The following CTNNA2 variants were observed in gnomAD, a reference collection of about 807,000 sequenced individuals.
CTNNA2 encodes the protein catenin alpha 2, also known as catenin alpha-2.
Under a neutral mutation model 101.0 loss-of-function variants are expected in CTNNA2, and 42 were observed. That is an observed-to-expected ratio of 0.42 (90% CI 0.32 to 0.54). The LOEUF (loss-of-function observed/expected upper bound fraction) is 0.54. Ranked by LOEUF, CTNNA2 falls within the 20% of genes least tolerant of loss-of-function variation. The pLI, the probability that CTNNA2 is intolerant of heterozygous loss-of-function variation, is 0.14. For synonymous variants in CTNNA2, 450 were observed against 456.4 expected (o/e 0.99, Z 0.18); for missense variants, 871 against 1,223.1 (o/e 0.71, Z 4.29).
chr2:79,195,810 C>A, intron 1 of CTNNA2: 1 of 514,390 alleles, frequency 1.9e-6, no homozygotes, highest in Middle Eastern at 3.2e-4. Flanking sequence ...CAAGGCCCGG[C>A]ATAGGGAGCT....
chr2:79,196,559 A>C (rs893197067), intron 1 of CTNNA2, among the ~76,000 whole-genome samples: 1 of 152,138 alleles, frequency 6.6e-6, no homozygotes, highest in Non-Finnish European at 1.5e-5. Flanking sequence ...CCTTTTTCTT[A>C]AAATTATCTT....
chr2:79,957,638 T>TCTCTTTGC (rs1425895625), intron 7 of CTNNA2, among the ~76,000 whole-genome samples: 1 of 152,216 alleles, frequency 6.6e-6, no homozygotes, highest in Non-Finnish European at 1.5e-5. Flanking sequence ...TGTCTCTTGT[T>TCTCTTTGC]CTCTTTGCTC....
chr2:79,265,234 A>C (rs560624973), intron 2 of CTNNA2, among the ~76,000 whole-genome samples: 156 of 152,330 alleles, frequency 1.0e-3, no homozygotes, highest in African/African-American at 3.6e-3. Flanking sequence ...ACATATGGCA[A>C]AAAGCCAGAA....
intron 9 of CTNNA2, among the ~76,000 whole-genome samples, chr2:80,533,771 G>A (rs1690746671): frequency 6.6e-6 from 1 of 152,092 alleles, no homozygotes; most frequent in East Asian, 1.9e-4. Flanking sequence ...GAGTTGCAAG[G>A]TTTTAGTTCC....
intron 7 of CTNNA2, among the ~76,000 whole-genome samples, chr2:79,954,933 C>G (rs1166786358): frequency 6.6e-6 from 1 of 152,014 alleles, no homozygotes; most frequent in Non-Finnish European, 1.5e-5. Flanking sequence ...CAGTACATAC[C>G]AACTTCAGAA....
intron 7 of CTNNA2, among the ~76,000 whole-genome samples, chr2:80,269,907 A>G (rs889161305): frequency 7.2e-5 from 11 of 152,148 alleles, no homozygotes; most frequent in East Asian, 1.9e-4. Context: ...TTAAAGTGTT[A>G]TGAGCGCCAT....
intron 6 of CTNNA2, among the ~76,000 whole-genome samples, chr2:79,896,071 C>A (rs1029272476): frequency 4.6e-5 from 7 of 152,046 alleles, no homozygotes; most frequent in Non-Finnish European, 8.8e-5. Flanking sequence ...TCGCCTGAGT[C>A]TGGGAGGTCG....
chr2:79,886,252 G>A (rs1296429559), intron 6 of CTNNA2, among the ~76,000 whole-genome samples: 1 of 152,176 alleles, frequency 6.6e-6, no homozygotes, highest in Non-Finnish European at 1.5e-5. Flanking sequence ...AAATGTGAAT[G>A]AGAGTATTTC....
intron 1 of CTNNA2, among the ~76,000 whole-genome samples, chr2:79,571,613 A>C (rs1273607812): frequency 1.3e-5 from 2 of 152,072 alleles, no homozygotes; most frequent in African/African-American, 4.8e-5. Context: ...ACCACACTTT[A>C]ACTAAAATTC....
At chr2:80,340,883 A>G (rs1441925947) in intron 7 of CTNNA2, among the ~76,000 whole-genome samples, 1 of 152,136 alleles carries the variant, frequency 6.6e-6, no homozygotes, top group Non-Finnish European at 1.5e-5. Flanking sequence ...CTTCTGACCG[A>G]CTGTCTATAA....
chr2:79,367,526 A>G (rs1032397060), intron 3 of CTNNA2, among the ~76,000 whole-genome samples: 35 of 152,134 alleles, frequency 2.3e-4, no homozygotes, highest in Admixed American at 2.1e-3. Flanking sequence ...GAGATGATTT[A>G]GAAAGCTAAT....
rs558351889 is a variant in CTNNA2 at position 80,219,314 on chromosome 2, T to C, written c.1057-173897T>C. Among the ~76,000 whole-genome samples, 6 of 152,336 alleles carry C rather than the reference T, an allele frequency of 3.9e-5. No individual in the cohort carries two copies. In the South Asian group the frequency reaches 1.2e-3, roughly 32 times the overall value. On this transcript the variant is annotated intron_variant, in intron 7 of 18. Coordinates refer to ENST00000402739, the MANE Select transcript of CTNNA2 (RefSeq NM_001282597.3). ...CACAGTGAGAGGGGACTTAGCAATA[T>C]CTATAATTCAACCAAATTATTGAGA... is the stretch of plus-strand genomic sequence containing the variant.
intron 9 of CTNNA2, among the ~76,000 whole-genome samples, chr2:80,456,899 G>C (rs137920319): frequency 4.6e-5 from 7 of 152,248 alleles, no homozygotes; most frequent in Non-Finnish European, 8.8e-5. Flanking sequence ...TAGGTAGAAG[G>C]AATAAGTTCT....
At chr2:79,988,912 G>A (rs1276926216) in intron 7 of CTNNA2, among the ~76,000 whole-genome samples, 2 of 152,206 alleles carry the variant, frequency 1.3e-5, no homozygotes, top group African/African-American at 2.4e-5. Context: ...AATTTGTATT[G>A]TGTTGAATGA....
intron 3 of CTNNA2, among the ~76,000 whole-genome samples, chr2:79,827,213 AT>A (rs1678517163): frequency 6.6e-6 from 1 of 151,784 alleles, no homozygotes; most frequent in African/African-American, 2.4e-5. Context: ...TAATTTTTTT[AT>A]TTTTAGTAGA....
chr2:80,559,878 T>TATCTATCTATCTA (rs1693393440), intron 12 of CTNNA2, among the ~76,000 whole-genome samples: 1 of 113,932 alleles, frequency 8.8e-6, no homozygotes, highest in African/African-American at 3.0e-5. Context: ...GATATCATAT[T>TATCTATCTATCTA]TATATATATA....
chr2:79,986,469 C>T (rs1013541427), intron 7 of CTNNA2, among the ~76,000 whole-genome samples: 3 of 152,108 alleles, frequency 2.0e-5, no homozygotes, highest in African/African-American at 7.2e-5. Context: ...AGTGAATTCC[C>T]TAAGCTGTAA....
chr2:80,266,449 C>G (rs1328948511), intron 7 of CTNNA2, among the ~76,000 whole-genome samples: 3 of 152,210 alleles, frequency 2.0e-5, no homozygotes, highest in Non-Finnish European at 2.9e-5. Context: ...ATCAGCTGTG[C>G]CCCTGCCTCT....
chr2:80,510,158 T>G (rs1688598460), intron 9 of CTNNA2, among the ~76,000 whole-genome samples: 2 of 152,344 alleles, frequency 1.3e-5, no homozygotes, highest in South Asian at 4.1e-4. Context: ...CTTTCAAAAA[T>G]GAGTTCCTTG....
Sources: allele counts gnomAD v4.1 joint callset (sites outside exome capture counted in the v4.1 genomes callset), GRCh38; gene constraint gnomAD v4.1.1; transcripts MANE v1.5; gene names NCBI Gene and HGNC (gene_info 2026-07-23, HGNC 2026-07-21).